The following MTREX variants were observed in gnomAD, a reference collection of about 807,000 sequenced individuals.
MTREX encodes the protein Mtr4 exosome RNA helicase.
In MTREX, 76 loss-of-function variants were observed where a neutral mutation model predicts 135.4. The observed-to-expected ratio is 0.56, with a 90% CI of 0.47 to 0.68. The LOEUF (loss-of-function observed/expected upper bound fraction) is 0.68, where lower values mean the gene tolerates loss of function less well. MTREX is among the 30% of genes least tolerant of loss of function. The pLI is 0.00. For synonymous variants in MTREX, 404 were observed against 401.6 expected (o/e 1.01, Z -0.07); for missense variants, 920 against 1,262.1 (o/e 0.73, Z 4.11).
At position 55,358,591 on chromosome 5, in the gene MTREX, A is replaced by G; in HGVS notation, c.1552A>G (p.Ile518Val). The change falls in exon 15 of 27, where the codon ATT becomes GTT. Residue 518 changes from isoleucine (I) to valine (V), a missense_variant. Ile to Val is a conservative substitution (Grantham distance 29). This residue lies in a region of MTREX where 46 missense variants were observed against 116.8 expected (regional missense o/e 0.39). Transcript: ENST00000230640. Reference sequence around the variant, plus strand: ...CATTCAGATTTCTTCTGGTGAATACATTCAGATGTCTGGTCGTGCTGGAAG... The same window carrying G: ...CATTCAGATTTCTTCTGGTGAATACGTTCAGATGTCTGGTCGTGCTGGAAG... ...DFRWISSGEY[I>V]QMSGRAGRRG... 1 of 1,606,804 alleles carries G rather than the reference A, an allele frequency of 6.2e-7. No homozygotes were observed. The highest frequency in any genetic ancestry group is 8.5e-7 in the Non-Finnish European group (1 of 1,178,036).
At chr5:55,321,839 C>A (rs551403492) in intron 1 of MTREX, among the ~76,000 whole-genome samples, 3 of 152,030 alleles carry the variant, frequency 2.0e-5, no homozygotes, top group Non-Finnish European at 4.4e-5. Flanking sequence ...TAACTCCCGA[C>A]CTCAAGTGAT....
At chr5:55,335,369 A>G (rs1229463613) in intron 5 of MTREX, among the ~76,000 whole-genome samples, 2 of 152,060 alleles carry the variant, frequency 1.3e-5, no homozygotes, top group African/African-American at 4.8e-5. Flanking sequence ...AGAATTACCT[A>G]ATTGTGATTT....
chr5:55,320,405 G>A (rs1003450990), intron 1 of MTREX, among the ~76,000 whole-genome samples: 3 of 151,852 alleles, frequency 2.0e-5, no homozygotes, highest in Non-Finnish European at 2.9e-5. Flanking sequence ...TAGTAGAGAC[G>A]ACGGGGTTTC....
At position 55,347,042 on chromosome 5, in the gene MTREX, A is replaced by T; in HGVS notation, c.1138A>T (p.Met380Leu). Reference sequence around the variant, plus strand: ...ATCAAATGTTTTCAAAATTGTGAAGATGATTATGGAAAGAAATTTCCAACC... The same window carrying T: ...ATCAAATGTTTTCAAAATTGTGAAGTTGATTATGGAAAGAAATTTCCAACC... ...GPSNVFKIVK[M>L]IMERNFQPVI... The change falls in exon 11 of 27, where the codon ATG becomes TTG. Residue 380 changes from methionine to leucine, a missense_variant. Met to Leu is a conservative substitution (Grantham distance 15). This residue lies in a region of MTREX where 101 missense variants were observed against 119.1 expected (regional missense o/e 0.85). Coordinates refer to ENST00000230640, the MANE Select transcript of MTREX (RefSeq NM_015360.5). The T allele has an allele frequency of 6.2e-7, 1 of 1,610,142 alleles. No individual in the cohort carries two copies. Among genetic ancestry groups the T allele is most frequent in the Non-Finnish European group, 8.5e-7 (1 of 1,178,758 alleles).
In MTREX at chr5:55,397,650, T is replaced by TA. The variant is rs2111585293; in HGVS notation, c.2292+125dup. On this transcript the variant is annotated intron_variant, in intron 20 of 26. Transcript: ENST00000230640. ...TCAGAATACCTATAAATACTACCAA[T>TA]AGTGACAATTATTTTTCATAAAAAT... The TA allele has an allele frequency of 5.7e-6, 3 of 522,024 alleles. No homozygotes were observed. The East Asian group carries it at 9.1e-5, about 16-fold the overall frequency. 32.3% of individuals were successfully genotyped at this position (522,024 alleles called of 1,614,324 possible).
rs999858705 is a variant in MTREX at position 55,425,566 on chromosome 5, AAG to A, written c.*797_*798del. The A allele has an allele frequency of 2.1e-4, 97 of 462,964 alleles. No individual in the cohort carries two copies. The highest frequency in any genetic ancestry group is 1.7e-3 in the African/African-American group (84 of 49,506). 28.7% of individuals were successfully genotyped at this position (462,964 alleles called of 1,614,324 possible). ...GCTTCATTTTGCCAATACTGAATAAAAGAGTTATTTCTACATGTGAATTAGTT... is the reference window on the plus strand; with the variant it reads ...GCTTCATTTTGCCAATACTGAATAAAAGTTATTTCTACATGTGAATTAGTT... On this transcript the variant is annotated 3_prime_UTR_variant, in exon 27 of 27. Transcript: ENST00000230640.
chr5:55,317,726 T>G (rs1749221563), intron 1 of MTREX, among the ~76,000 whole-genome samples: 1 of 152,202 alleles, frequency 6.6e-6, no homozygotes, highest in Admixed American at 6.5e-5. Context: ...GGCAAAGATT[T>G]GATGACAAGG....
At chr5:55,389,162 A>C (rs749717669) in intron 19 of MTREX, among the ~76,000 whole-genome samples, 1 of 151,982 alleles carries the variant, frequency 6.6e-6, no homozygotes, top group African/African-American at 2.4e-5. Context: ...TGTGATTTTT[A>C]TTTTTTTCTA....
chr5:55,390,236 G>A (rs1158454550), intron 19 of MTREX, among the ~76,000 whole-genome samples: 1 of 152,070 alleles, frequency 6.6e-6, no homozygotes, highest in Non-Finnish European at 1.5e-5. Flanking sequence ...CCGAGTAGCT[G>A]GGACTACAGG....
chr5:55,424,866 A>T lies in MTREX; in HGVS notation c.*94A>T. 1.2e-6 allele frequency: 1 copy of T among 819,814 alleles called. No individual in the cohort carries two copies. Among genetic ancestry groups the T allele is most frequent in the Non-Finnish European group, 2.0e-6 (1 of 489,712 alleles). 50.8% of individuals were successfully genotyped at this position (819,814 alleles called of 1,614,324 possible). On this transcript the variant is annotated 3_prime_UTR_variant, in exon 27 of 27. Coordinates refer to ENST00000230640, the MANE Select transcript of MTREX (RefSeq NM_015360.5). ...CTGCAAGTGTGGATTTGGTTCTCCC[A>T]TACATTTTAATATGTATTATATTTA...
intron 24 of MTREX, 57 bp downstream of exon 24, chr5:55,414,295 A>G: frequency 4.5e-6 from 6 of 1,329,300 alleles, no homozygotes; most frequent in Non-Finnish European, 6.1e-6. Flanking sequence ...TAGATTGTAA[A>G]ATAAACATTT....
At chr5:55,344,358 C>G (rs1327818199) in intron 8 of MTREX, among the ~76,000 whole-genome samples, 164 bp from the exon 9 acceptor site, 1 of 152,066 alleles carries the variant, frequency 6.6e-6, no homozygotes, top group Non-Finnish European at 1.5e-5. Context: ...CCTAATTTTT[C>G]TACGTTTTTC....
intron 5 of MTREX, among the ~76,000 whole-genome samples, chr5:55,334,064 A>T (rs918372314): frequency 1.3e-5 from 2 of 152,186 alleles, no homozygotes; most frequent in Non-Finnish European, 2.9e-5. Context: ...TACTAAAAGA[A>T]GTTGGAGTCA....
intron 13 of MTREX, among the ~76,000 whole-genome samples, chr5:55,352,642 A>G (rs1749847613): frequency 6.6e-6 from 1 of 152,230 alleles, no homozygotes; most frequent in African/African-American, 2.4e-5. Flanking sequence ...GAGATGATGA[A>G]CTAAAATATT....
Position 55,425,053 on chromosome 5 carries a change from C to T in MTREX, c.*281C>T, listed in dbSNP as rs1751134910. 1 of 1,050,160 alleles carries T rather than the reference C, an allele frequency of 9.5e-7. No individual in the cohort carries two copies. Among genetic ancestry groups the T allele is most frequent in the Non-Finnish European group, 1.4e-6 (1 of 725,432 alleles). 65.1% of individuals were successfully genotyped at this position (1,050,160 alleles called of 1,614,324 possible). On this transcript the variant is annotated 3_prime_UTR_variant, in exon 27 of 27. Transcript: ENST00000230640. ...TAGATAACCACTGAGTTAAAGGTAA[C>T]TATGTACACACAAAGTGTGCATCCA...
chr5:55,324,971 A>G (rs1046601196), intron 3 of MTREX, among the ~76,000 whole-genome samples: 5 of 152,142 alleles, frequency 3.3e-5, no homozygotes, highest in African/African-American at 1.2e-4. Flanking sequence ...GTCTTGCTCC[A>G]ATGACTGATA....
rs536653940 is a variant in MTREX, at chr5:55,398,259, A to C, written c.2292+733A>C. Reference sequence around the variant, plus strand: ...TGTCTCTTTTAAGAAAAAAAAAAAAAAACAAGGAAGTGATTTTAACGAAGT... The same window carrying C: ...TGTCTCTTTTAAGAAAAAAAAAAAACAACAAGGAAGTGATTTTAACGAAGT... On this transcript the variant is annotated intron_variant, in intron 20 of 26. Transcript: ENST00000230640. 6.7e-5 allele frequency among the ~76,000 whole-genome samples: 9 copies of C among 133,510 alleles called. No individual in the cohort carries two copies. The South Asian group carries it at 2.5e-3, about 37-fold the overall frequency. 87.6% of individuals were successfully genotyped at this position (133,510 alleles called of 152,430 possible).
intron 11 of MTREX, among the ~76,000 whole-genome samples, chr5:55,348,818 C>T (rs747244575): frequency 1.1e-4 from 16 of 152,150 alleles, no homozygotes; most frequent in Admixed American, 2.0e-4. Context: ...ATGCTTAATA[C>T]ATATTATTTG....
chr5:55,380,229 C>T (rs1160858993), intron 18 of MTREX, among the ~76,000 whole-genome samples: 1 of 152,154 alleles, frequency 6.6e-6, no homozygotes, highest in African/African-American at 2.4e-5. Context: ...CATGAGCCAC[C>T]ACGCCCGGCC....
Sources: gnomAD v4.1 joint callset for allele counts (sites outside exome capture counted in the v4.1 genomes callset) on GRCh38, gnomAD v4.1.1 for gene constraint, gnomAD v4.1.1 regional missense constraint, MANE v1.5 for transcripts, NCBI Gene and HGNC (gene_info 2026-07-23, HGNC 2026-07-21) for gene names.